The following MTUS2 variants were observed in gnomAD, a reference collection of about 807,000 sequenced individuals.
MTUS2 encodes microtubule-associated tumor suppressor candidate 2.
Under a neutral mutation model 114.1 loss-of-function variants are expected in MTUS2, and 40 were observed. The observed-to-expected ratio is 0.35, with a 90% CI of 0.27 to 0.46. The LOEUF (loss-of-function observed/expected upper bound fraction) is 0.46, where lower values mean the gene tolerates loss of function less well. MTUS2 is among the 20% of genes least tolerant of loss of function. The pLI is 1.00. For missense variants in MTUS2, 1,679 were observed against 1,705.4 expected (o/e 0.98, Z 0.27); for synonymous variants, 688 against 672.0 (o/e 1.02, Z -0.37).
At chr13:29,382,028 C>T (rs1377971518) in intron 8 of MTUS2, among the ~76,000 whole-genome samples, 1 of 152,186 alleles carries the variant, frequency 6.6e-6, no homozygotes, top group Non-Finnish European at 1.5e-5. Flanking sequence ...AACACGCATG[C>T]TCTATGCCCT....
At chr13:29,372,084 A>G (rs1871242419) in intron 8 of MTUS2, among the ~76,000 whole-genome samples, 1 of 149,150 alleles carries the variant, frequency 6.7e-6, no homozygotes, top group Non-Finnish European at 1.5e-5. Flanking sequence ...GTGTATCAAA[A>G]TAGCACTTTG....
intron 6 of MTUS2, among the ~76,000 whole-genome samples, chr13:29,297,556 C>T (rs1007615656): frequency 2.0e-5 from 3 of 152,132 alleles, no homozygotes; most frequent in Admixed American, 6.5e-5. Context: ...ATTCTTACTT[C>T]GATGGAAGCC....
chr13:29,284,993 A>T (rs955128143), intron 6 of MTUS2, among the ~76,000 whole-genome samples: 5 of 152,118 alleles, frequency 3.3e-5, no homozygotes, highest in African/African-American at 1.2e-4. Context: ...ATCCTAGAAC[A>T]TCTTGCCATG....
intron 7 of MTUS2, among the ~76,000 whole-genome samples, chr13:29,345,192 G>T (rs1868544573): frequency 6.6e-6 from 1 of 152,082 alleles, no homozygotes; most frequent in South Asian, 2.1e-4. Flanking sequence ...CTTGTGTTTG[G>T]CTATCTAGAT....
At chr13:29,306,319 A>G (rs983259467) in intron 6 of MTUS2, among the ~76,000 whole-genome samples, 31 of 152,222 alleles carry the variant, frequency 2.0e-4, no homozygotes, top group Admixed American at 3.3e-4. Context: ...AATAAAGATT[A>G]TTCAGATAGG....
chr13:29,089,350 A>G (rs889317695), intron 4 of MTUS2, among the ~76,000 whole-genome samples: 1 of 152,132 alleles, frequency 6.6e-6, no homozygotes, highest in Non-Finnish European at 1.5e-5. Flanking sequence ...TTTCCTTTGT[A>G]TGTGACCTGC....
intron 8 of MTUS2, among the ~76,000 whole-genome samples, chr13:29,385,640 TTCC>T (rs1872582925): frequency 6.6e-6 from 1 of 152,058 alleles, no homozygotes; most frequent in Admixed American, 6.6e-5. Context: ...GAGCCCTTCC[TTCC>T]TGGTTGTTGT....
chr13:29,055,205 G>T (rs1005143033), intron 4 of MTUS2, among the ~76,000 whole-genome samples: 1 of 151,968 alleles, frequency 6.6e-6, no homozygotes, highest in African/African-American at 2.4e-5. Context: ...ACATTTTAAA[G>T]CTCTATTATT....
intron 6 of MTUS2, among the ~76,000 whole-genome samples, chr13:29,324,042 T>C (rs1226159732): frequency 6.6e-6 from 1 of 152,192 alleles, no homozygotes; most frequent in Non-Finnish European, 1.5e-5. Flanking sequence ...CCACATGCTT[T>C]TGCTGGACCA....
intron 2 of MTUS2, among the ~76,000 whole-genome samples, chr13:28,899,843 A>G (rs1166196016): frequency 6.6e-6 from 1 of 152,096 alleles, no homozygotes; most frequent in South Asian, 2.1e-4. Flanking sequence ...TGCCCGATTC[A>G]TGAATTGTTC....
chr13:29,339,237 A>T (rs7332787), intron 7 of MTUS2, among the ~76,000 whole-genome samples: 81,115 of 152,020 alleles, frequency 0.53, 24,902 homozygotes, highest in East Asian at 0.75. Context: ...TAGGGCAGGC[A>T]GCAGGCTGAG....
chr13:29,460,784 CT>C (rs911012232), intron 9 of MTUS2, among the ~76,000 whole-genome samples: 4 of 151,790 alleles, frequency 2.6e-5, no homozygotes, highest in African/African-American at 9.7e-5. Context: ...AGTTACTCAA[CT>C]TTTTTTAGTG....
At chr13:28,996,518 C>T (rs1593367063) in intron 2 of MTUS2, among the ~76,000 whole-genome samples, 1 of 152,188 alleles carries the variant, frequency 6.6e-6, no homozygotes, top group African/African-American at 2.4e-5. Context: ...GCTGTGAATC[C>T]ATCTGGTCCT....
chr13:29,025,757 C>G lies in MTUS2; in HGVS notation c.1059C>G (p.His353Gln), dbSNP rs546966886. The change falls in exon 3 of 16, where the codon CAC (histidine) becomes CAG (glutamine). Residue 353 changes from histidine (H) to glutamine (Q), a missense_variant. Around this residue, in one of 3 missense-constraint regions of MTUS2, gnomAD observed 843 missense variants for 770.8 expected, o/e 1.09. Transcript: ENST00000612955. The part of the protein sequence containing the change: ...LEGRDPCGEA[H>Q]PEATDALGHL... ...GAAGGGATCCATGTGGGGAAGCACA[C>G]CCGGAAGCCACCGATGCACTTGGCC... The G allele has an allele frequency of 6.2e-7, 1 of 1,613,946 alleles. No individual in the cohort carries two copies. Among genetic ancestry groups the G allele is most frequent in the Non-Finnish European group, 8.5e-7 (1 of 1,179,880 alleles).
intron 7 of MTUS2, among the ~76,000 whole-genome samples, chr13:29,336,968 T>C (rs1253048910): frequency 2.6e-5 from 4 of 152,098 alleles, no homozygotes; most frequent in Admixed American, 2.0e-4. Context: ...TACTCAAGCC[T>C]CAGTAATGGC....
chr13:28,873,928 A>G lies in MTUS2; in HGVS notation c.-243+34078A>G, dbSNP rs1256452329. 2.0e-5 allele frequency among the ~76,000 whole-genome samples: 3 copies of G among 152,228 alleles called. No individual in the cohort carries two copies. The East Asian group carries it at 5.8e-4, about 29-fold the overall frequency. The stretch of plus-strand genomic sequence containing the variant: ...TTTTGTGTTATACTATCATTTGGTA[A>G]TGTTATCCTGCTCTCTAATCAACAC... On this transcript the variant is annotated intron_variant, in intron 2 of 15. Coordinates refer to ENST00000612955, the MANE Select transcript of MTUS2 (RefSeq NM_001033602.4).
At chr13:28,899,893 C>A (rs1285616050) in intron 2 of MTUS2, among the ~76,000 whole-genome samples, 2 of 151,548 alleles carry the variant, frequency 1.3e-5, no homozygotes, top group African/African-American at 4.9e-5. Context: ...TTTTATTTTA[C>A]TTTTTTTGAG....
At chr13:29,165,893 A>G (rs1205500809) in intron 5 of MTUS2, among the ~76,000 whole-genome samples, 2 of 152,218 alleles carry the variant, frequency 1.3e-5, no homozygotes, top group East Asian at 3.8e-4. Context: ...TCTTTCACCA[A>G]AACACTCCAA....
chr13:28,907,239 G>A lies in MTUS2; in HGVS notation c.-243+67389G>A, dbSNP rs1247650937. Among the ~76,000 whole-genome samples the A allele has an allele frequency of 2.0e-5, 3 of 151,534 alleles. 1 individual carries two copies. Among genetic ancestry groups the A allele is most frequent in the African/African-American group, 7.3e-5 (3 of 41,032 alleles). On this transcript the variant is annotated intron_variant, in intron 2 of 15. Transcript: ENST00000612955. ...TCTCCACCAGGCCTGCCCTAAAAGA[G>A]CTCCTGAAGGAAGCAGTAAACATGG... is the stretch of plus-strand genomic sequence containing the variant.
Sources: allele counts gnomAD v4.1 joint callset (sites outside exome capture counted in the v4.1 genomes callset), GRCh38; gene constraint gnomAD v4.1.1; regional missense constraint gnomAD v4.1.1; transcripts MANE v1.5; gene names NCBI Gene and HGNC (gene_info 2026-07-23, HGNC 2026-07-21).